The following TTC28 variants were observed in gnomAD, a reference collection of about 807,000 sequenced individuals.
TTC28 encodes the protein tetratricopeptide repeat domain 28, also known as tetratricopeptide repeat protein 28.
Under a neutral mutation model 198.0 loss-of-function variants are expected in TTC28, and 61 were observed. The ratio of observed to expected loss-of-function variants is 0.31; its 90% CI spans 0.25 to 0.38. TTC28 has a LOEUF of 0.38. TTC28 is among the 10% of genes least tolerant of loss of function. The probability of loss-of-function intolerance (pLI) is 1.00; values close to 1 mark genes in which losing one functional copy is unlikely to be tolerated. For synonymous variants in TTC28, 1,171 were observed against 1,297.8 expected, an observed-to-expected ratio of 0.90 and a Z score of 2.10; for missense variants, 2,678 against 3,164.0, an observed-to-expected ratio of 0.85 and a Z score of 3.69.
intron 2 of TTC28, among the ~76,000 whole-genome samples, chr22:28,611,119 G>C (rs1431346900): frequency 6.6e-6 from 1 of 152,174 alleles, no homozygotes; most frequent in Non-Finnish European, 1.5e-5. Context: ...AAAGTGATGA[G>C]GAAAATGGAA....
intron 12 of TTC28, among the ~76,000 whole-genome samples, chr22:28,075,377 C>G (rs1290733911): frequency 6.6e-6 from 1 of 152,086 alleles, no homozygotes; most frequent in Non-Finnish European, 1.5e-5. Flanking sequence ...CCTAATGTGG[C>G]ATCAACTTTT....
At chr22:28,268,286 A>G (rs1931817153) in intron 5 of TTC28, among the ~76,000 whole-genome samples, 1 of 152,208 alleles carries the variant, frequency 6.6e-6, no homozygotes, top group South Asian at 2.1e-4. Context: ...TTGCAGAGAA[A>G]TGTGATCCAA....
chr22:28,617,985 G>A (rs927294370), intron 2 of TTC28, among the ~76,000 whole-genome samples: 1 of 152,054 alleles, frequency 6.6e-6, no homozygotes, highest in Admixed American at 6.6e-5. Context: ...ATAAATGGCT[G>A]TTGTTGGCCG....
intron 12 of TTC28, among the ~76,000 whole-genome samples, chr22:28,070,844 A>G (rs990777825): frequency 1.1e-4 from 17 of 152,216 alleles, no homozygotes; most frequent in Non-Finnish European, 2.5e-4. Context: ...ATTAATAAAT[A>G]TACATACTAA....
At chr22:28,247,829 G>A (rs1174380739) in intron 5 of TTC28, among the ~76,000 whole-genome samples, 1 of 152,290 alleles carries the variant, frequency 6.6e-6, no homozygotes, top group South Asian at 2.1e-4. Context: ...AACAGAAGGG[G>A]ATGAGGCTGC....
At chr22:28,536,492 C>G (rs962791728) in intron 2 of TTC28, among the ~76,000 whole-genome samples, 5 of 151,864 alleles carry the variant, frequency 3.3e-5, no homozygotes, top group Admixed American at 3.3e-4. Flanking sequence ...GACGTGGTGG[C>G]AGGCGCCTGT....
intron 21 of TTC28, among the ~76,000 whole-genome samples, chr22:27,987,486 C>T (rs1288625348): frequency 6.6e-6 from 1 of 152,190 alleles, no homozygotes; most frequent in Non-Finnish European, 1.5e-5. Context: ...AATCCCAACA[C>T]TTTGGGAGGC....
At position 28,375,536 on chromosome 22, in the gene TTC28, G is replaced by A. The variant is rs557571222; in HGVS notation, c.382-68893C>T. Among the ~76,000 whole-genome samples, 60 of 152,226 alleles carry A rather than the reference G, an allele frequency of 3.9e-4. 1 individual carries two copies. The South Asian group carries it at 0.012, about 31-fold the overall frequency. Reference sequence around the variant, plus strand: ...GTATTAAGATTCATGTTTTAGCCCTGGTAAAAGTAAATAATTAGGAGAGGG... The same window carrying A: ...GTATTAAGATTCATGTTTTAGCCCTAGTAAAAGTAAATAATTAGGAGAGGG... On this transcript the variant is annotated intron_variant, in intron 2 of 22. Transcript: ENST00000397906.
chr22:28,351,126 G>C (rs1265753210), intron 2 of TTC28, among the ~76,000 whole-genome samples: 1 of 151,982 alleles, frequency 6.6e-6, no homozygotes, highest in African/African-American at 2.4e-5. Context: ...AGCTTGCAGT[G>C]AGCCGAGATC....
intron 11 of TTC28, among the ~76,000 whole-genome samples, chr22:28,094,457 T>TG (rs554318597): frequency 3.1e-3 from 476 of 152,304 alleles, no homozygotes; most frequent in Non-Finnish European, 5.1e-3. Context: ...CCATTAGGTG[T>TG]GGGGCTTGAA....
At chr22:28,088,316 T>C (rs1285826577) in intron 12 of TTC28, among the ~76,000 whole-genome samples, 1 of 151,978 alleles carries the variant, frequency 6.6e-6, no homozygotes, top group Non-Finnish European at 1.5e-5. Context: ...AAAACAGAGA[T>C]ATAGATCAAT....
At chr22:28,083,924 A>G (rs1601599665) in intron 12 of TTC28, among the ~76,000 whole-genome samples, 3 of 152,376 alleles carry the variant, frequency 2.0e-5, no homozygotes, top group South Asian at 4.1e-4. Context: ...CTAGCACAGC[A>G]GTCTGAGATC....
At chr22:28,564,121 G>A (rs1027790759) in intron 2 of TTC28, among the ~76,000 whole-genome samples, 2 of 152,020 alleles carry the variant, frequency 1.3e-5, no homozygotes, top group Non-Finnish European at 2.9e-5. Flanking sequence ...GTTGCCAGGG[G>A]CTGATGGAAG....
At position 28,468,931 on chromosome 22, in the gene TTC28, G is replaced by T. The variant is rs189738094; in HGVS notation, c.381+160621C>A. The stretch of plus-strand genomic sequence containing the variant: ...AATCATTAAATGTCTAATACTAGTT[G>T]TTAGATTCACCCTGCCTGGTGCAAC... On this transcript the variant is annotated intron_variant, in intron 2 of 22. Coordinates refer to ENST00000397906, the MANE Select transcript of TTC28 (RefSeq NM_001145418.2). Among the ~76,000 whole-genome samples the T allele has an allele frequency of 2.7e-3, 406 of 152,192 alleles. 1 individual carries two copies. Among genetic ancestry groups the T allele is most frequent in the Non-Finnish European group, 2.8e-3 (191 of 68,010 alleles).
In TTC28 at chr22:28,163,230, G is replaced by A. The variant is rs773643526; in HGVS notation, c.1303C>T (p.Arg435Trp). 16 of 1,551,608 alleles carry A rather than the reference G, an allele frequency of 1.0e-5. No homozygotes were observed. Among genetic ancestry groups the A allele is most frequent in the Admixed American group, 3.9e-5 (2 of 50,964 alleles). The change falls in exon 6 of 23, where the codon CGG becomes TGG. Residue 435 changes from arginine to tryptophan, a missense_variant. Coordinates refer to ENST00000397906, the MANE Select transcript of TTC28 (RefSeq NM_001145418.2). ...QELMEKAIEM[R>W]AYAGLGHAAR... ...GCATGGCCTAGTCCAGCATAGGCCCGCATCTCAATAGCCTTCTCCATCAAC... is the reference window on the plus strand; with the variant it reads ...GCATGGCCTAGTCCAGCATAGGCCCACATCTCAATAGCCTTCTCCATCAAC...
intron 2 of TTC28, among the ~76,000 whole-genome samples, chr22:28,417,394 A>G (rs1379934153): frequency 6.6e-6 from 1 of 151,610 alleles, no homozygotes; most frequent in Non-Finnish European, 1.5e-5. Flanking sequence ...AGGATTCCTT[A>G]AGCCCGGGAG....
chr22:28,231,236 G>A (rs1928781074), intron 5 of TTC28, among the ~76,000 whole-genome samples: 1 of 152,184 alleles, frequency 6.6e-6, no homozygotes, highest in Admixed American at 6.5e-5. Flanking sequence ...GCAGGAGATA[G>A]ATATGTAAAC....
At chr22:28,046,667 A>C (rs962625543) in intron 12 of TTC28, among the ~76,000 whole-genome samples, 2 of 152,224 alleles carry the variant, frequency 1.3e-5, no homozygotes, top group East Asian at 3.8e-4. Context: ...TACATATGCT[A>C]TATACATGGC....
intron 14 of TTC28, among the ~76,000 whole-genome samples, chr22:28,009,895 T>C (rs1314589642): frequency 6.6e-6 from 1 of 152,252 alleles, no homozygotes; most frequent in Non-Finnish European, 1.5e-5. Flanking sequence ...TGATACACAA[T>C]GGATCATTTT....
Sources: allele counts gnomAD v4.1 joint callset (sites outside exome capture counted in the v4.1 genomes callset), GRCh38; gene constraint gnomAD v4.1.1; transcripts MANE v1.5; gene names NCBI Gene and HGNC (gene_info 2026-07-23, HGNC 2026-07-21).